Variants in SNX29 observed in about 807,000 individuals in gnomAD.
The protein encoded by SNX29 is sorting nexin-29.
SNX29 carries 78 observed loss-of-function variants against 102.1 expected under a neutral mutation model. The ratio of observed to expected loss-of-function variants is 0.76; its 90% confidence interval spans 0.64 to 0.92. SNX29 has a LOEUF of 0.92. Ranked by LOEUF, SNX29 falls within the 40% of genes least tolerant of loss-of-function variation. The pLI, the probability that SNX29 is intolerant of heterozygous loss-of-function variation, is 0.00. For missense variants in SNX29, 1,280 were observed against 1,061.7 expected (o/e 1.21, Z -2.86); for synonymous variants, 580 against 414.5 (o/e 1.40, Z -4.85).
At chr16:12,078,181 A>C (rs1359976249) in intron 10 of SNX29, among the ~76,000 whole-genome samples, 1 of 148,662 alleles carries the variant, frequency 6.7e-6, no homozygotes, top group Non-Finnish European at 1.5e-5. Flanking sequence ...AATAAAATCA[A>C]GTGGAAAAAA....
chr16:12,509,601 T>C (rs2089519893), intron 19 of SNX29, among the ~76,000 whole-genome samples: 1 of 152,182 alleles, frequency 6.6e-6, no homozygotes. Flanking sequence ...CTTTTTGTTT[T>C]TTCTCTTTGG....
chr16:12,289,896 A>C (rs2079734441), intron 15 of SNX29, among the ~76,000 whole-genome samples: 1 of 152,106 alleles, frequency 6.6e-6, no homozygotes, highest in Non-Finnish European at 1.5e-5. Context: ...CTCAGAGTTC[A>C]GTATACACCC....
chr16:12,445,984 T>C (rs1211180649), intron 18 of SNX29, among the ~76,000 whole-genome samples: 7 of 151,824 alleles, frequency 4.6e-5, no homozygotes, highest in Non-Finnish European at 7.4e-5. Flanking sequence ...GTCCACGCTT[T>C]CGCGCTGCAC....
At chr16:12,070,299 C>G (rs10468252) in intron 10 of SNX29, among the ~76,000 whole-genome samples, 46,555 of 144,234 alleles carry the variant, frequency 0.32, 7,822 homozygotes, top group African/African-American at 0.42. Context: ...TTAGCATTAG[C>G]TATATCTCCT....
At chr16:12,012,496 C>A (rs2056687416) in intron 3 of SNX29, among the ~76,000 whole-genome samples, 1 of 152,118 alleles carries the variant, frequency 6.6e-6, no homozygotes, top group Non-Finnish European at 1.5e-5. Flanking sequence ...GCAACCTCCG[C>A]CTCCCACGTT....
intron 14 of SNX29, among the ~76,000 whole-genome samples, chr16:12,249,098 C>G (rs531830832): frequency 6.6e-6 from 1 of 152,272 alleles, no homozygotes; most frequent in East Asian, 1.9e-4. Flanking sequence ...ATTTTGGTTA[C>G]TAACAATTGG....
intron 20 of SNX29, chr16:12,556,343 C>T (rs529076910): frequency 6.6e-6 from 1 of 152,214 alleles, no homozygotes; most frequent in South Asian, 2.1e-4. Context: ...ACCACTTGGA[C>T]TTCACTCACC....
chr16:12,266,219 C>G (rs1054541504), intron 14 of SNX29, among the ~76,000 whole-genome samples: 1 of 152,056 alleles, frequency 6.6e-6, no homozygotes, highest in Non-Finnish European at 1.5e-5. Context: ...GCTGCCGTGT[C>G]CAGCTTCAGG....
intron 19 of SNX29, among the ~76,000 whole-genome samples, chr16:12,519,730 T>C (rs2090019775): frequency 6.6e-6 from 1 of 152,230 alleles, no homozygotes; most frequent in African/African-American, 2.4e-5. Context: ...GTCTCACACC[T>C]GTAATTCCAG....
chr16:12,049,665 T>C (rs905893500), intron 7 of SNX29, among the ~76,000 whole-genome samples: 22 of 152,012 alleles, frequency 1.4e-4, no homozygotes, highest in Admixed American at 1.1e-3. Flanking sequence ...AAAAATTAAA[T>C]ATAAAAAAAG....
intron 18 of SNX29, among the ~76,000 whole-genome samples, chr16:12,476,956 G>C (rs2087683313): frequency 6.6e-6 from 1 of 151,908 alleles, no homozygotes; most frequent in South Asian, 2.1e-4. Flanking sequence ...TTTCTCTCTG[G>C]GCTGTTCTTA....
intron 18 of SNX29, among the ~76,000 whole-genome samples, chr16:12,452,693 CTG>C (rs1031825384): frequency 3.9e-5 from 6 of 152,092 alleles, no homozygotes; most frequent in Admixed American, 2.0e-4. Flanking sequence ...TAGCTTGCAT[CTG>C]TGACTGCCAG....
intron 16 of SNX29, among the ~76,000 whole-genome samples, chr16:12,372,317 C>T (rs939605931): frequency 6.6e-6 from 1 of 152,202 alleles, no homozygotes; most frequent in African/African-American, 2.4e-5. Flanking sequence ...TTTGAGAAAG[C>T]CCCTAGTGGC....
intron 5 of SNX29, among the ~76,000 whole-genome samples, chr16:12,044,594 T>C (rs1187032500): frequency 1.3e-5 from 2 of 152,028 alleles, no homozygotes; most frequent in African/African-American, 2.4e-5. Flanking sequence ...TTTCCTTTTT[T>C]TTGAGAAGAA....
intron 3 of SNX29, among the ~76,000 whole-genome samples, chr16:12,022,573 A>C (rs1318748676): frequency 6.6e-6 from 1 of 152,128 alleles, no homozygotes; most frequent in Non-Finnish European, 1.5e-5. Flanking sequence ...GAGCATTTCC[A>C]TTATCCCCCC....
chr16:12,050,904 A>G lies in SNX29; in HGVS notation c.749-943A>G, dbSNP rs577796008. Among the ~76,000 whole-genome samples the G allele has an allele frequency of 1.5e-4, 23 of 151,650 alleles. No individual in the cohort carries two copies. In the East Asian group the frequency reaches 4.1e-3, roughly 27 times the overall value. On this transcript the variant is annotated intron_variant, in intron 7 of 20. Coordinates refer to ENST00000566228, the MANE Select transcript of SNX29 (RefSeq NM_032167.5). ...TTTTTTTTTTTTTTGTATTTTTAATACAGACGGGGTTTCACCATGTTTGCC... is the reference window on the plus strand; with the variant it reads ...TTTTTTTTTTTTTTGTATTTTTAATGCAGACGGGGTTTCACCATGTTTGCC...
chr16:12,297,465 C>G (rs547869123), intron 15 of SNX29: 1 of 152,132 alleles, frequency 6.6e-6, no homozygotes, highest in Non-Finnish European at 1.5e-5. Context: ...CTCTTTTCCT[C>G]GGTGTGTGTA....
At chr16:12,567,602 T>C (rs752854847) in intron 20 of SNX29, among the ~76,000 whole-genome samples, 107 of 152,156 alleles carry the variant, frequency 7.0e-4, no homozygotes, top group Non-Finnish European at 1.1e-3. Flanking sequence ...ACCCCATCTC[T>C]ACAAAAAATT....
chr16:12,158,282 C>T (rs2055639145), intron 13 of SNX29, among the ~76,000 whole-genome samples: 1 of 152,126 alleles, frequency 6.6e-6, no homozygotes, highest in Non-Finnish European at 1.5e-5. Context: ...TTACTGCAAT[C>T]TCCGCCTCCA....
Sources: gnomAD v4.1 joint callset for allele counts (sites outside exome capture counted in the v4.1 genomes callset) on GRCh38, gnomAD v4.1.1 for gene constraint, MANE v1.5 for transcripts, NCBI Gene and HGNC (gene_info 2026-07-23, HGNC 2026-07-21) for gene names.